The following CSGALNACT1 variants were observed in gnomAD, a reference collection of about 807,000 sequenced individuals.
The protein encoded by CSGALNACT1 is beta4GalNAcT-1.
A neutral mutation model predicts 51.0 loss-of-function variants in CSGALNACT1; 52 were observed. The ratio of observed to expected loss-of-function variants is 1.02; its 90% CI spans 0.82 to 1.29. The LOEUF (loss-of-function observed/expected upper bound fraction) is 1.29, where lower values mean the gene tolerates loss of function less well. Ranked by LOEUF, CSGALNACT1 falls within the 50% of genes most tolerant of loss-of-function variation. The pLI is 0.00. For missense variants in CSGALNACT1, 935 were observed against 679.2 expected, an observed-to-expected ratio of 1.38 and a Z score of -4.19; for synonymous variants, 341 against 254.4, an observed-to-expected ratio of 1.34 and a Z score of -3.24.
At chr8:19,731,684 GA>G (rs925955655) in intron 1 of CSGALNACT1, among the ~76,000 whole-genome samples, 4 of 152,140 alleles carry the variant, frequency 2.6e-5, no homozygotes, top group African/African-American at 9.7e-5. Flanking sequence ...ACAACCACTT[GA>G]AGGTACTTAA....
chr8:19,612,818 C>T (rs149110183), intron 1 of CSGALNACT1, among the ~76,000 whole-genome samples: 14 of 151,646 alleles, frequency 9.2e-5, no homozygotes, highest in African/African-American at 2.2e-4. Flanking sequence ...TCTTTTTAAA[C>T]GGATAGATTT....
At chr8:19,547,320 T>C (rs1030279877) in intron 3 of CSGALNACT1, among the ~76,000 whole-genome samples, 3 of 152,220 alleles carry the variant, frequency 2.0e-5, no homozygotes. Flanking sequence ...TCAGAATGCA[T>C]TTCAGTGTTT....
rs139961712 is a variant in CSGALNACT1, at chr8:19,732,172, G to A, written c.-297+25678C>T. Among the ~76,000 whole-genome samples the A allele has an allele frequency of 3.7e-4, 56 of 152,262 alleles. No individual in the cohort carries two copies. The East Asian group carries it at 4.8e-3, about 13-fold the overall frequency. On this transcript the variant is annotated intron_variant, in intron 1 of 1. Coordinates refer to the CSGALNACT1 transcript ENST00000517494. Reference sequence around the variant, plus strand: ...GAAATTAGTGTGCTTAAAACGGCACGTTATCAAATAAACTAGCATAACGGT... The same window carrying A: ...GAAATTAGTGTGCTTAAAACGGCACATTATCAAATAAACTAGCATAACGGT...
chr8:19,741,630 C>T (rs1201412062), intron 1 of CSGALNACT1, among the ~76,000 whole-genome samples: 2 of 151,224 alleles, frequency 1.3e-5, no homozygotes, highest in East Asian at 1.9e-4. Context: ...GCAGTCTACT[C>T]GGCTAGACCA....
At chr8:19,515,356 C>G (rs2079316885) in intron 3 of CSGALNACT1, among the ~76,000 whole-genome samples, 1 of 152,132 alleles carries the variant, frequency 6.6e-6, no homozygotes, top group South Asian at 2.1e-4. Flanking sequence ...CTGTGAGGTC[C>G]CCCTATCTGC....
intron 1 of CSGALNACT1, among the ~76,000 whole-genome samples, chr8:19,715,347 T>G (rs1171719762): frequency 6.6e-6 from 1 of 152,182 alleles, no homozygotes; most frequent in East Asian, 1.9e-4. Context: ...TACTCAATAT[T>G]TAGCTCCCAC....
chr8:19,450,477 CG>C (rs1036666656), intron 5 of CSGALNACT1, among the ~76,000 whole-genome samples: 7 of 152,028 alleles, frequency 4.6e-5, no homozygotes, highest in African/African-American at 1.7e-4. Flanking sequence ...CCAAGGGAGG[CG>C]GGTGGGGCAT....
chr8:19,505,212 T>G, exon 4 of CSGALNACT1: 2 of 1,614,138 alleles, frequency 1.2e-6, no homozygotes, highest in Non-Finnish European at 1.7e-6. Context: ...TTCTATGAAA[T>G]CAGAGGCCGT....
At chr8:19,458,985 T>C (rs1239739621) in intron 4 of CSGALNACT1, among the ~76,000 whole-genome samples, 1 of 152,208 alleles carries the variant, frequency 6.6e-6, no homozygotes, top group Admixed American at 6.5e-5. Flanking sequence ...GATTATGTGT[T>C]TTTTTCTTTT....
In CSGALNACT1 at chr8:19,597,865, G is replaced by A. The variant is rs367967498; in HGVS notation, c.-416+3906C>T. 7.9e-5 allele frequency among the ~76,000 whole-genome samples: 12 copies of A among 152,368 alleles called. No individual in the cohort carries two copies. The South Asian group carries it at 1.2e-3, about 16-fold the overall frequency. On this transcript the variant is annotated intron_variant, in intron 2 of 9. Transcript: ENST00000454498. ...GCTAAAAATGCAGAGACCATGCCTA[G>A]TTTGAGGGCCAGATGGCCAAAGGGC...
intron 1 of CSGALNACT1, among the ~76,000 whole-genome samples, chr8:19,681,408 C>T (rs888701642): frequency 2.0e-5 from 3 of 152,186 alleles, no homozygotes; most frequent in Middle Eastern, 3.4e-3. Flanking sequence ...GCGCCCCCAT[C>T]CCCATCGCTG....
At chr8:19,492,280 T>C (rs1370630531) in intron 4 of CSGALNACT1, among the ~76,000 whole-genome samples, 7 of 152,174 alleles carry the variant, frequency 4.6e-5, no homozygotes, top group Non-Finnish European at 1.5e-5. Flanking sequence ...TGGGACATAG[T>C]AGACATTTGG....
intron 1 of CSGALNACT1, among the ~76,000 whole-genome samples, chr8:19,716,444 C>T (rs2062811299): frequency 6.6e-6 from 1 of 151,788 alleles, no homozygotes. Context: ...ACCATTTCTT[C>T]TTTGATAATA....
chr8:19,430,906 T>C (rs1449259398), intron 6 of CSGALNACT1, among the ~76,000 whole-genome samples: 3 of 152,290 alleles, frequency 2.0e-5, no homozygotes, highest in African/African-American at 7.2e-5. Flanking sequence ...ACTTTTTTAT[T>C]ACATTCATTT....
intron 1 of CSGALNACT1, among the ~76,000 whole-genome samples, chr8:19,649,603 C>T (rs2057592980): frequency 6.6e-6 from 1 of 151,724 alleles, no homozygotes; most frequent in East Asian, 1.9e-4. Flanking sequence ...TAATTCTATA[C>T]AGAATTCACA....
intron 3 of CSGALNACT1, among the ~76,000 whole-genome samples, chr8:19,520,060 G>A (rs952032817): frequency 2.0e-5 from 3 of 152,212 alleles, no homozygotes; most frequent in African/African-American, 4.8e-5. Flanking sequence ...GAATGAAACT[G>A]TTACTTTTAG....
chr8:19,448,724 A>C (rs778103320), intron 5 of CSGALNACT1, among the ~76,000 whole-genome samples: 1 of 152,192 alleles, frequency 6.6e-6, no homozygotes, highest in Non-Finnish European at 1.5e-5. Context: ...ACACAGATGC[A>C]AGGAAATCAC....
At chr8:19,666,827 G>GAA (rs1251237429) in intron 1 of CSGALNACT1, among the ~76,000 whole-genome samples, 28 of 40,006 alleles carry the variant, frequency 7.0e-4, no homozygotes, top group East Asian at 3.3e-3. Flanking sequence ...GAGAGAGAGA[G>GAA]AGAGAGAAAG....
chr8:19,681,303 G>GT (rs1440059057), intron 1 of CSGALNACT1, among the ~76,000 whole-genome samples: 1 of 152,162 alleles, frequency 6.6e-6, no homozygotes, highest in Non-Finnish European at 1.5e-5. Context: ...TTGGATATGT[G>GT]TAAGAGGTTG....
Sources: allele counts gnomAD v4.1 joint callset (sites outside exome capture counted in the v4.1 genomes callset), GRCh38; gene constraint gnomAD v4.1.1; transcripts MANE v1.5; gene names NCBI Gene and HGNC (gene_info 2026-07-23, HGNC 2026-07-21).